RAPGEF5: variants seen among roughly 807,000 people sequenced by gnomAD.
RAPGEF5 encodes Rap guanine nucleotide exchange factor 5, also known as M-Ras-regulated GEF.
RAPGEF5 carries 65 observed loss-of-function variants against 125.2 expected under a neutral mutation model. The ratio of observed to expected loss-of-function variants is 0.52; its 90% confidence interval spans 0.43 to 0.64. The LOEUF is 0.64. Ranked by LOEUF, RAPGEF5 falls within the 30% of genes least tolerant of loss-of-function variation. RAPGEF5 has a pLI of 0.00. For missense variants in RAPGEF5, 958 were observed against 1,048.1 expected, an observed-to-expected ratio of 0.91 and a Z score of 1.19; for synonymous variants, 391 against 385.9, an observed-to-expected ratio of 1.01 and a Z score of -0.16.
At chr7:22,179,585 G>T (rs1784611481) in intron 11 of RAPGEF5, among the ~76,000 whole-genome samples, 1 of 152,136 alleles carries the variant, frequency 6.6e-6, no homozygotes, top group Non-Finnish European at 1.5e-5. Context: ...TTCCCAGAAG[G>T]TTAAGGCATC....
intron 1 of RAPGEF5, among the ~76,000 whole-genome samples, chr7:22,343,144 G>A (rs899500240): frequency 6.6e-6 from 1 of 152,182 alleles, no homozygotes; most frequent in African/African-American, 2.4e-5. Flanking sequence ...TAAAATGCAC[G>A]TCTCACATGG....
intron 6 of RAPGEF5, among the ~76,000 whole-genome samples, chr7:22,280,545 G>A (rs1007988239): frequency 1.3e-5 from 2 of 152,284 alleles, no homozygotes; most frequent in Admixed American, 6.5e-5. Context: ...GAAAAAAGCT[G>A]TGGATCTGCA....
At chr7:22,126,390 T>C (rs1409062498) in intron 24 of RAPGEF5, among the ~76,000 whole-genome samples, 3 of 152,174 alleles carry the variant, frequency 2.0e-5, no homozygotes, top group Non-Finnish European at 2.9e-5. Context: ...ACAGCACCTA[T>C]TGGCTTTGTG....
chr7:22,270,808 C>A (rs1782399543), intron 6 of RAPGEF5, among the ~76,000 whole-genome samples: 2 of 152,270 alleles, frequency 1.3e-5, no homozygotes, highest in Admixed American at 6.5e-5. Flanking sequence ...TAGTCAGATA[C>A]ATTAATATTT....
At chr7:22,329,651 C>T (rs1279126095) in intron 1 of RAPGEF5, among the ~76,000 whole-genome samples, 3 of 152,126 alleles carry the variant, frequency 2.0e-5, no homozygotes, top group Admixed American at 6.6e-5. Flanking sequence ...TACACCAAAG[C>T]GCTAACAGAA....
intron 5 of RAPGEF5, among the ~76,000 whole-genome samples, chr7:22,304,300 G>C (rs1476026575): frequency 2.6e-5 from 4 of 152,148 alleles, no homozygotes; most frequent in African/African-American, 9.7e-5. Context: ...CAATTTTGCT[G>C]TATGAGTCAG....
At chr7:22,345,717 TTTA>T (rs1784211267) in intron 1 of RAPGEF5, among the ~76,000 whole-genome samples, 1 of 150,620 alleles carries the variant, frequency 6.6e-6, no homozygotes, top group Non-Finnish European at 1.5e-5. Flanking sequence ...TTTTTTTTTT[TTTA>T]GAGAGTTATG....
At chr7:22,158,641 T>C (rs973459612) in intron 14 of RAPGEF5, among the ~76,000 whole-genome samples, 2 of 152,172 alleles carry the variant, frequency 1.3e-5, no homozygotes, top group African/African-American at 4.8e-5. Context: ...CATTTTTTTT[T>C]TTGAGACAGA....
Position 22,283,020 on chromosome 7 carries a change from C to CA in RAPGEF5, c.747+8154dup, listed in dbSNP as rs914729157. ...AAATAAAATATTTAGGGTTTTTCTG[C>CA]AAAAAAAAAATATTCTGTAAAAAAA... On this transcript the variant is annotated intron_variant, in intron 6 of 25. Coordinates refer to ENST00000665637, the MANE Select transcript of RAPGEF5 (RefSeq NM_012294.5). Among the ~76,000 whole-genome samples the CA allele has an allele frequency of 2.1e-3, 294 of 142,936 alleles. 3 individuals carry two copies. Among genetic ancestry groups the CA allele is most frequent in the African/African-American group, 6.1e-3 (235 of 38,340 alleles). The allele number at this position is 142,936 out of a possible 152,430, so 93.8% of individuals were successfully genotyped here.
chr7:22,122,230 C>T lies in RAPGEF5; in HGVS notation c.*176G>A. The stretch of plus-strand genomic sequence containing the variant: ...GAGTAGCATGGAGAAACCTCTCCCC[C>T]TCTCTGGTGGCTGACATCACTTCCT... On this transcript the variant is annotated 3_prime_UTR_variant, in exon 26 of 26. Coordinates refer to ENST00000665637, the MANE Select transcript of RAPGEF5 (RefSeq NM_012294.5). The T allele has an allele frequency of 5.3e-6, 3 of 568,154 alleles. No homozygotes were observed. The highest frequency in any genetic ancestry group is 2.9e-5 in the Admixed American group (1 of 33,980). 35.2% of individuals were successfully genotyped at this position (568,154 alleles called of 1,614,324 possible).
intron 9 of RAPGEF5, among the ~76,000 whole-genome samples, chr7:22,198,270 G>A (rs1412688530): frequency 1.3e-5 from 2 of 152,180 alleles, no homozygotes; most frequent in African/African-American, 4.8e-5. Context: ...AAACTCTGCT[G>A]GTGTTCATCA....
intron 11 of RAPGEF5, among the ~76,000 whole-genome samples, chr7:22,189,195 T>C (rs1784915498): frequency 6.6e-6 from 1 of 151,796 alleles, no homozygotes; most frequent in Admixed American, 6.6e-5. Context: ...CATAAGTACA[T>C]TTTCTTCAAA....
intron 14 of RAPGEF5, among the ~76,000 whole-genome samples, 161 bp from the exon 15 acceptor site, chr7:22,158,046 A>G (rs916702397): frequency 7.2e-5 from 11 of 152,364 alleles, no homozygotes; most frequent in African/African-American, 2.6e-4. Flanking sequence ...CACATTTGAC[A>G]TTGGGCTCTG....
At chr7:22,147,107 G>C (rs1468385700) in intron 18 of RAPGEF5, 88 bp from the exon 19 acceptor site, 2 of 1,474,804 alleles carry the variant, frequency 1.4e-6, no homozygotes, top group African/African-American at 2.8e-5. Flanking sequence ...TAGAAGCTCA[G>C]ATTAGCAAAG....
intron 7 of RAPGEF5, among the ~76,000 whole-genome samples, chr7:22,253,383 T>C (rs965094380): frequency 2.0e-5 from 3 of 152,076 alleles, no homozygotes; most frequent in East Asian, 3.8e-4. Context: ...GTATCGAGGA[T>C]GTGGCAAAAG....
intron 9 of RAPGEF5, among the ~76,000 whole-genome samples, chr7:22,202,503 A>G (rs1394987075): frequency 6.6e-6 from 1 of 152,180 alleles, no homozygotes; most frequent in African/African-American, 2.4e-5. Context: ...TTTAGGCACT[A>G]AAAAAGATGA....
chr7:22,262,375 C>T (rs1480494450), intron 7 of RAPGEF5, among the ~76,000 whole-genome samples: 1 of 151,970 alleles, frequency 6.6e-6, no homozygotes, highest in Non-Finnish European at 1.5e-5. Flanking sequence ...TCACTATACG[C>T]CTATCAGAAT....
chr7:22,273,118 C>T, intron 6 of RAPGEF5, among the ~76,000 whole-genome samples: 1 of 151,812 alleles, frequency 6.6e-6, no homozygotes, highest in East Asian at 1.9e-4. Flanking sequence ...TCCCCAATAA[C>T]TGCTGTCATC....
At chr7:22,165,710 T>C (rs1408940012) in intron 12 of RAPGEF5, among the ~76,000 whole-genome samples, 1 of 152,198 alleles carries the variant, frequency 6.6e-6, no homozygotes, top group Non-Finnish European at 1.5e-5. Flanking sequence ...TGTTACTTTA[T>C]GTCCTTTATG....
Sources: allele counts gnomAD v4.1 joint callset (sites outside exome capture counted in the v4.1 genomes callset), GRCh38; gene constraint gnomAD v4.1.1; transcripts MANE v1.5; gene names NCBI Gene and HGNC (gene_info 2026-07-23, HGNC 2026-07-21).